The following FUT4 variants were observed in gnomAD, a reference collection of about 807,000 sequenced individuals.
FUT4 encodes fucosyltransferase 4.
FUT4 carries 1 observed loss-of-function variant against 3.8 expected under a neutral mutation model. The observed-to-expected ratio is 0.26, with a 90% CI of 0.09 to 1.25. The LOEUF is 1.25. Among genes scored for constraint, FUT4 ranks in the 50% most tolerant of loss-of-function variants. The pLI is 0.47. For synonymous variants in FUT4, 417 were observed against 355.3 expected (o/e 1.17, Z -1.95); for missense variants, 880 against 768.2 (o/e 1.15, Z -1.72).
rs1356847132 is a variant in FUT4, at chr11:94,545,050, T to A, written c.917T>A (p.Leu306Gln). ...NFESPSHSPG[L>Q]RSLASNLFNW... ...GAGTCGCCCTCGCACTCCCCGGGGC[T>A]GCGAAGCCTGGCAAGTAACCTCTTC... is the stretch of plus-strand genomic sequence containing the variant. The change falls in exon 1 of 1, where the codon CTG (leucine) becomes CAG (glutamine). Residue 306 changes from leucine (L) to glutamine (Q), a missense_variant. By Grantham distance (113) the Leu-to-Gln change is moderately radical (BLOSUM62 -2). Transcript: ENST00000358752. 1 of 1,612,276 alleles carries A rather than the reference T, an allele frequency of 6.2e-7. No individual in the cohort carries two copies. Among genetic ancestry groups the A allele is most frequent in the Admixed American group, 1.7e-5 (1 of 59,992 alleles).
chr11:94,544,572 CG>C lies in FUT4; in HGVS notation c.444del (p.Leu149CysfsTer13). The part of the protein sequence containing the change: ...AGGRRGWRRG[R>X]GLPWTVCVLA... ...CGGGCGGCGCGGGTGGCGCCGAGGC[CG>C]GGGGCTGCCATGGACCGTCTGTGTG... On this transcript the variant is annotated frameshift_variant, in exon 1 of 1. Coordinates refer to ENST00000358752, the MANE Select transcript of FUT4 (RefSeq NM_002033.4). LOFTEE classifies it low-confidence loss of function (END_TRUNC). 3.1e-6 allele frequency: 4 copies of C among 1,304,524 alleles called. No homozygotes were observed. The allele number at this position is 1,304,524 out of a possible 1,614,324, so 80.8% of individuals were successfully genotyped here.
rs779567545 is a variant in FUT4, at chr11:94,545,423, G to C, written c.1290G>C (p.Ala430=). The C allele has an allele frequency of 3.7e-6, 6 of 1,613,122 alleles. No homozygotes were observed. Among genetic ancestry groups the C allele is most frequent in the East Asian group, 4.5e-5 (2 of 44,872 alleles). The change falls in exon 1 of 1, where the codon GCG becomes GCC. Residue 430 remains alanine (A), a synonymous_variant. Transcript: ENST00000358752. ...TCACCGAGAAGCTCTGGCGCAACGC[G>C]TTGCTCGCTGGGGCGGTGCCGGTGG... is the stretch of plus-strand genomic sequence containing the variant. The part of the protein sequence containing the change: ...DYITEKLWRN[A]LLAGAVPVVL...
chr11:94,545,650 G>C lies in FUT4; in HGVS notation c.1517G>C (p.Arg506Pro). ...TCCTTCTGGGACGAGCCTTGGTGCC[G>C]GGTGTGCCAGGCTGTACAGAGGGCT... ...ITSFWDEPWC[R>P]VCQAVQRAGD... The change falls in exon 1 of 1, where the codon CGG becomes CCG. Residue 506 changes from arginine to proline, a missense_variant. Transcript: ENST00000358752. The C allele has an allele frequency of 6.2e-7, 1 of 1,612,784 alleles. No individual in the cohort carries two copies. Among genetic ancestry groups the C allele is most frequent in the Non-Finnish European group, 8.5e-7 (1 of 1,180,034 alleles).
Position 94,546,341 on chromosome 11 carries a change from A to C in FUT4, c.*615A>C. The C allele has an allele frequency of 5.0e-6, 1 of 201,170 alleles. No homozygotes were observed. Among genetic ancestry groups the C allele is most frequent in the Non-Finnish European group, 1.1e-5 (1 of 87,406 alleles). The allele number at this position is 201,170 out of a possible 1,614,324, so 12.5% of individuals were successfully genotyped here. A position where few individuals can be genotyped will look rare whatever the true frequency, so the allele number is the denominator to read the frequency against. The stretch of plus-strand genomic sequence containing the variant: ...TTCCCCTGTCCTGTGAATGGAAGCA[A>C]AGTGCTGGATTGTCCTTGGAGGAAA... On this transcript the variant is annotated 3_prime_UTR_variant, in exon 1 of 1. Coordinates refer to ENST00000358752, the MANE Select transcript of FUT4 (RefSeq NM_002033.4).
At position 94,544,169 on chromosome 11, in the gene FUT4, G is replaced by C. The variant is rs777377009; in HGVS notation, c.36G>C (p.Ser12=). Residue 12 remains serine, a synonymous_variant, in exon 1 of 1, where the codon TCG becomes TCC. Transcript: ENST00000358752. The part of the protein sequence containing the change: ...RRLWGAARKP[S]GAGWEKEWAE... Reference sequence around the variant, plus strand: ...TGTGGGGCGCGGCCCGGAAGCCCTCGGGCGCGGGCTGGGAGAAGGAGTGGG... The same window carrying C: ...TGTGGGGCGCGGCCCGGAAGCCCTCCGGCGCGGGCTGGGAGAAGGAGTGGG... 23 of 1,391,786 alleles carry C rather than the reference G, an allele frequency of 1.7e-5. No individual in the cohort carries two copies. The East Asian group carries it at 1.8e-4, about 11-fold the overall frequency. The allele number at this position is 1,391,786 out of a possible 1,614,324, so 86.2% of individuals were successfully genotyped here.
Position 94,548,324 on chromosome 11 carries a change from C to G in FUT4, c.*2598C>G, listed in dbSNP as rs1947887375. On this transcript the variant is annotated 3_prime_UTR_variant, in exon 1 of 1. Transcript: ENST00000358752. The stretch of plus-strand genomic sequence containing the variant: ...GTGGCGTGATCTTGGCTCACTGCAA[C>G]CTCCGCCTCCCAGGTTCAAGCGATT... 1 of 152,548 alleles carries G rather than the reference C, an allele frequency of 6.6e-6. No homozygotes were observed. Among genetic ancestry groups the G allele is most frequent in the African/African-American group, 2.4e-5 (1 of 40,968 alleles). The allele number at this position is 152,548 out of a possible 1,614,324, so 9.4% of individuals were successfully genotyped here. A position where few individuals can be genotyped will look rare whatever the true frequency, so the allele number is the denominator to read the frequency against.
Position 94,545,340 on chromosome 11 carries a change from A to C in FUT4, c.1207A>C (p.Thr403Pro), listed in dbSNP as rs773673789. 3 of 1,612,874 alleles carry C rather than the reference A, an allele frequency of 1.9e-6. No individual in the cohort carries two copies. Among genetic ancestry groups the C allele is most frequent in the Non-Finnish European group, 1.7e-6 (2 of 1,179,866 alleles). The stretch of plus-strand genomic sequence containing the variant: ...GGTGCCCGAAATTGGGCTCCTGCAC[A>C]CAGTGGCCCGCTACAAGTTCTACCT... ...QPVPEIGLLH[T>P]VARYKFYLAF... The change falls in exon 1 of 1, where the codon ACA (threonine) becomes CCA (proline). Residue 403 changes from threonine (T) to proline (P), a missense_variant. Around this residue, in one of 3 missense-constraint regions of FUT4, gnomAD observed 424 missense variants for 400.4 expected, o/e 1.06. Coordinates refer to ENST00000358752, the MANE Select transcript of FUT4 (RefSeq NM_002033.4).
In FUT4 at chr11:94,545,876, T is replaced by C; in HGVS notation, c.*150T>C. 2 of 993,312 alleles carry C rather than the reference T, an allele frequency of 2.0e-6. No homozygotes were observed. Among genetic ancestry groups the C allele is most frequent in the Non-Finnish European group, 3.1e-6 (2 of 638,472 alleles). 61.5% of individuals were successfully genotyped at this position (993,312 alleles called of 1,614,324 possible). ...GGGAAAAAAACGATTTACCAATTAATATTACTCAGCACAGAGATGGGGGCC... is the reference window on the plus strand; with the variant it reads ...GGGAAAAAAACGATTTACCAATTAACATTACTCAGCACAGAGATGGGGGCC... On this transcript the variant is annotated 3_prime_UTR_variant, in exon 1 of 1. Transcript: ENST00000358752.
In FUT4 at chr11:94,544,032, C is replaced by T. The variant is rs1947825187; in HGVS notation, c.-102C>T. ...CCTTCCCAGGGATGAACCGGGCCTTCCCTCTGGAAGGCGAGGGTTCGGGCC... is the reference window on the plus strand; with the variant it reads ...CCTTCCCAGGGATGAACCGGGCCTTTCCTCTGGAAGGCGAGGGTTCGGGCC... On this transcript the variant is annotated 5_prime_UTR_variant, in exon 1 of 1. Coordinates refer to ENST00000358752, the MANE Select transcript of FUT4 (RefSeq NM_002033.4). The T allele has an allele frequency of 4.5e-6, 6 of 1,328,982 alleles. No homozygotes were observed. Among genetic ancestry groups the T allele is most frequent in the Non-Finnish European group, 5.8e-6 (6 of 1,036,794 alleles). The allele number at this position is 1,328,982 out of a possible 1,614,324, so 82.3% of individuals were successfully genotyped here.
Position 94,544,349 on chromosome 11 carries a change from GGGCCCGC to G in FUT4, c.221_227del (p.Pro74LeufsTer86). On this transcript the variant is annotated frameshift_variant, in exon 1 of 1. Transcript: ENST00000358752. LOFTEE classifies it low-confidence loss of function (END_TRUNC). ...CCCGGCACTTGGGAGGAGCAGGGCAGGGCCCGCGGCCTTTGCATTCTGGGACCGCCCC... is the reference window on the plus strand; with the variant it reads ...CCCGGCACTTGGGAGGAGCAGGGCAGGGCCTTTGCATTCTGGGACCGCCCC... 1 of 1,550,178 alleles carries G rather than the reference GGGCCCGC, an allele frequency of 6.5e-7. No individual in the cohort carries two copies. Among genetic ancestry groups the G allele is most frequent in the Non-Finnish European group, 8.7e-7 (1 of 1,155,538 alleles).
In FUT4 at chr11:94,545,574, G is replaced by C; in HGVS notation, c.1441G>C (p.Val481Leu). Residue 481 changes from valine (V) to leucine (L), a missense_variant, in exon 1 of 1, where the codon GTC (valine) becomes CTC (leucine). By Grantham distance (32) the Val-to-Leu change is conservative. Around this residue, in one of 3 missense-constraint regions of FUT4, gnomAD observed 424 missense variants for 400.4 expected, o/e 1.06. Transcript: ENST00000358752. ...YLLFLDRNPAVYRRYFHWRRS... is the reference protein window; with the variant it reads ...YLLFLDRNPALYRRYFHWRRS... ...GCTTTTCCTCGACCGCAACCCCGCG[G>C]TCTATCGCCGCTACTTCCACTGGCG... 2 of 1,613,550 alleles carry C rather than the reference G, an allele frequency of 1.2e-6. No homozygotes were observed. Among genetic ancestry groups the C allele is most frequent in the Non-Finnish European group, 1.7e-6 (2 of 1,180,038 alleles).
rs901863817 is a variant in FUT4, at chr11:94,544,060, A to G, written c.-74A>G. 17 of 1,350,492 alleles carry G rather than the reference A, an allele frequency of 1.3e-5. No homozygotes were observed. The highest frequency in any genetic ancestry group is 2.8e-4 in the Middle Eastern group (1 of 3,616). The allele number at this position is 1,350,492 out of a possible 1,614,324, so 83.7% of individuals were successfully genotyped here. ...TCTGGAAGGCGAGGGTTCGGGCCAC[A>G]GTGAGCGAGGGCCAGGGCGGTGGGC... On this transcript the variant is annotated 5_prime_UTR_variant, in exon 1 of 1. Transcript: ENST00000358752.
At position 94,543,954 on chromosome 11, in the gene FUT4, C is replaced by A; in HGVS notation, c.-180C>A. ...GCGCCGGGTCCGCCTTCCGTCTGTT[C>A]TAGGGCCTGCTCCTGCGCGGCAGCT... On this transcript the variant is annotated 5_prime_UTR_variant, in exon 1 of 1. Coordinates refer to ENST00000358752, the MANE Select transcript of FUT4 (RefSeq NM_002033.4). 1 of 867,586 alleles carries A rather than the reference C, an allele frequency of 1.2e-6. No homozygotes were observed. The highest frequency in any genetic ancestry group is 1.6e-6 in the Non-Finnish European group (1 of 642,266). 53.7% of individuals were successfully genotyped at this position (867,586 alleles called of 1,614,324 possible). A position where few individuals can be genotyped will look rare whatever the true frequency, so the allele number is the denominator to read the frequency against.
Position 94,545,461 on chromosome 11 carries a change from A to G in FUT4, c.1328A>G (p.Asp443Gly), listed in dbSNP as rs1441694147. The G allele has an allele frequency of 6.2e-7, 1 of 1,613,194 alleles. No homozygotes were observed. Among genetic ancestry groups the G allele is most frequent in the East Asian group, 2.2e-5 (1 of 44,804 alleles). ...GCGGTGCCGGTGGTGCTGGGCCCAG[A>G]CCGTGCCAACTACGAGCGCTTTGTG... ...AGAVPVVLGPDRANYERFVPR... is the reference protein window; with the variant it reads ...AGAVPVVLGPGRANYERFVPR... The change falls in exon 1 of 1, where the codon GAC (aspartate) becomes GGC (glycine). Residue 443 changes from aspartate (D) to glycine (G), a missense_variant. By Grantham distance (94) the Asp-to-Gly change is moderately conservative. Transcript: ENST00000358752.
In FUT4 at chr11:94,545,678, G is replaced by A; in HGVS notation, c.1545G>A (p.Gly515=). Reference sequence around the variant, plus strand: ...TGTGCCAGGCTGTACAGAGGGCTGGGGACCGGCCCAAGAGCATACGGAACT... The same window carrying A: ...TGTGCCAGGCTGTACAGAGGGCTGGAGACCGGCCCAAGAGCATACGGAACT... The part of the protein sequence containing the change: ...CRVCQAVQRA[G]DRPKSIRNLA... Residue 515 remains glycine (G), a synonymous_variant, in exon 1 of 1, where the codon GGG becomes GGA. Transcript: ENST00000358752. The A allele has an allele frequency of 6.2e-7, 1 of 1,612,232 alleles. No homozygotes were observed. Among genetic ancestry groups the A allele is most frequent in the Non-Finnish European group, 8.5e-7 (1 of 1,180,026 alleles).
At position 94,544,765 on chromosome 11, in the gene FUT4, G is replaced by T; in HGVS notation, c.632G>T (p.Cys211Phe). The change falls in exon 1 of 1, where the codon TGC (cysteine) becomes TTC (phenylalanine). Residue 211 changes from cysteine to phenylalanine, a missense_variant. By Grantham distance (205) the Cys-to-Phe change is radical. This residue lies in a region of FUT4 where 447 missense variants were observed against 339.5 expected (regional missense o/e 1.32). Transcript: ENST00000358752. ...AGCGCCCCGAGGCCGCCCCCTGACT[G>T]CCGGCTGCGCTTCAACATCAGCGGC... Reference protein sequence around the residue: ...RDSAPRPPPDCRLRFNISGCR... With the variant: ...RDSAPRPPPDFRLRFNISGCR... The T allele has an allele frequency of 6.3e-7, 1 of 1,576,692 alleles. No individual in the cohort carries two copies. Among genetic ancestry groups the T allele is most frequent in the Non-Finnish European group, 8.6e-7 (1 of 1,169,316 alleles).
At position 94,545,045 on chromosome 11, in the gene FUT4, G is replaced by C. The variant is rs2135197708; in HGVS notation, c.912G>C (p.Pro304=). 1 of 1,612,164 alleles carries C rather than the reference G, an allele frequency of 6.2e-7. No individual in the cohort carries two copies. The highest frequency in any genetic ancestry group is 1.7e-5 in the Admixed American group (1 of 59,992). The change falls in exon 1 of 1, where the codon CCG becomes CCC. Residue 304 remains proline (P), a synonymous_variant. Coordinates refer to ENST00000358752, the MANE Select transcript of FUT4 (RefSeq NM_002033.4). Reference sequence around the variant, plus strand: ...ACTTCGAGTCGCCCTCGCACTCCCCGGGGCTGCGAAGCCTGGCAAGTAACC... The same window carrying C: ...ACTTCGAGTCGCCCTCGCACTCCCCCGGGCTGCGAAGCCTGGCAAGTAACC... ...WMNFESPSHS[P]GLRSLASNLF... is the part of the protein sequence containing the mutation.
Position 94,544,551 on chromosome 11 carries a change from C to CGGGA in FUT4, c.420_421insGAGG (p.Arg141GlufsTer64). On this transcript the variant is annotated frameshift_variant, in exon 1 of 1. Transcript: ENST00000358752. LOFTEE classifies it low-confidence loss of function (END_TRUNC). ...CTCGCCGACGGCGGCGGCGGGCGGG[C>CGGGA]GGCGCGGGTGGCGCCGAGGCCGGGG... 1 of 1,290,308 alleles carries CGGGA rather than the reference C, an allele frequency of 7.8e-7. No individual in the cohort carries two copies. Among genetic ancestry groups the CGGGA allele is most frequent in the East Asian group, 3.1e-5 (1 of 31,976 alleles). 79.9% of individuals were successfully genotyped at this position (1,290,308 alleles called of 1,614,324 possible).
In FUT4 at chr11:94,545,463, C is replaced by G; in HGVS notation, c.1330C>G (p.Arg444Gly). 1 of 1,613,400 alleles carries G rather than the reference C, an allele frequency of 6.2e-7. No individual in the cohort carries two copies. The highest frequency in any genetic ancestry group is 8.5e-7 in the Non-Finnish European group (1 of 1,179,854). ...GAVPVVLGPD[R>G]ANYERFVPRG... ...GGTGCCGGTGGTGCTGGGCCCAGAC[C>G]GTGCCAACTACGAGCGCTTTGTGCC... Residue 444 changes from arginine (R) to glycine (G), a missense_variant, in exon 1 of 1, where the codon CGT becomes GGT. This residue lies in a region of FUT4 where 424 missense variants were observed against 400.4 expected (regional missense o/e 1.06). Coordinates refer to ENST00000358752, the MANE Select transcript of FUT4 (RefSeq NM_002033.4).
Sources: gnomAD v4.1 joint callset for allele counts on GRCh38, gnomAD v4.1.1 for gene constraint, gnomAD v4.1.1 regional missense constraint, MANE v1.5 for transcripts, NCBI Gene and HGNC (gene_info 2026-07-23, HGNC 2026-07-21) for gene names.